PPP1R2: variants seen among roughly 807,000 people sequenced by gnomAD.
PPP1R2 encodes protein phosphatase 1 regulatory inhibitor subunit 2, also known as protein phosphatase inhibitor 2.
A neutral mutation model predicts 29.9 loss-of-function variants in PPP1R2; 16 were observed. That is an observed-to-expected ratio of 0.53 (90% confidence interval 0.36 to 0.81). The LOEUF is 0.81. Ranked by LOEUF, PPP1R2 falls within the 30% of genes least tolerant of loss-of-function variation. The probability of loss-of-function intolerance (pLI) is 0.00; values close to 1 mark genes in which losing one functional copy is unlikely to be tolerated. For missense variants in PPP1R2, 197 were observed against 252.7 expected, an observed-to-expected ratio of 0.78 and a Z score of 1.49; for synonymous variants, 76 against 91.5, an observed-to-expected ratio of 0.83 and a Z score of 0.96.
rs1719677802 is a variant in PPP1R2 at position 195,543,258 on chromosome 3, C to G, written c.-233G>C. 2 of 439,402 alleles carry G rather than the reference C, an allele frequency of 4.6e-6. No homozygotes were observed. The highest frequency in any genetic ancestry group is 7.7e-6 in the Non-Finnish European group (2 of 258,090). The allele number at this position is 439,402 out of a possible 1,614,324, so 27.2% of individuals were successfully genotyped here. On this transcript the variant is annotated 5_prime_UTR_variant, in exon 1 of 6. Coordinates refer to ENST00000618156, the MANE Select transcript of PPP1R2 (RefSeq NM_006241.8). Reference sequence around the variant, plus strand: ...ACTCGCGCACCCTTAGCCACTGGCACTTGACCCGCGGCTCGCGGAGAGACG... The same window carrying G: ...ACTCGCGCACCCTTAGCCACTGGCAGTTGACCCGCGGCTCGCGGAGAGACG...
At position 195,516,737 on chromosome 3, in the gene PPP1R2, T is replaced by C; in HGVS notation, c.*159A>G. On this transcript the variant is annotated 3_prime_UTR_variant, in exon 6 of 6. Transcript: ENST00000618156. ...ATATATATCGATTAGGCATTTTCAG[T>C]CTAATCAGTCTCTAAGTTTATCATT... The C allele has an allele frequency of 4.8e-6, 3 of 620,604 alleles. No individual in the cohort carries two copies. The highest frequency in any genetic ancestry group is 4.2e-5 in the South Asian group (2 of 48,174). The allele number at this position is 620,604 out of a possible 1,614,324, so 38.4% of individuals were successfully genotyped here. A position where few individuals can be genotyped will look rare whatever the true frequency, so the allele number is the denominator to read the frequency against.
chr3:195,523,807 AAGAAATT>A, intron 3 of PPP1R2, 21 bp from the exon 4 acceptor site: 1 of 1,594,134 alleles, frequency 6.3e-7, no homozygotes, highest in Non-Finnish European at 8.6e-7. Flanking sequence ...ATCATGTACA[AAGAAATT>A]AACAGTGATG....
Position 195,537,484 on chromosome 3 carries a change from TG to T in PPP1R2, c.122+5419del, listed in dbSNP as rs1719435828. 5.4e-4 allele frequency among the ~76,000 whole-genome samples: 64 copies of T among 117,950 alleles called. 4 individuals carry two copies. The highest frequency in any genetic ancestry group is 1.5e-3 in the African/African-American group (49 of 33,256). 77.4% of individuals were successfully genotyped at this position (117,950 alleles called of 152,430 possible). On this transcript the variant is annotated intron_variant, in intron 1 of 5. Transcript: ENST00000618156. ...AAACCATTGCTAGGATTAGCTATTG[TG>T]TGTGTGTGTGTGTGTGTGTGTGTGT...
intron 4 of PPP1R2, among the ~76,000 whole-genome samples, chr3:195,521,814 C>T (rs2108940003): frequency 6.6e-6 from 1 of 152,150 alleles, no homozygotes; most frequent in South Asian, 2.1e-4. Context: ...CCATGCCTGG[C>T]TAATTTTTGT....
chr3:195,524,670 G>C lies in PPP1R2; in HGVS notation c.308+149C>G, dbSNP rs1718894846. On this transcript the variant is annotated intron_variant, in intron 3 of 5. Coordinates refer to ENST00000618156, the MANE Select transcript of PPP1R2 (RefSeq NM_006241.8). ...TGGTGACTCAGAAGGTGAAAAAAGGGGGAAAAAAGGAAAAAAAAGTCGGCA... is the reference window on the plus strand; with the variant it reads ...TGGTGACTCAGAAGGTGAAAAAAGGCGGAAAAAAGGAAAAAAAAGTCGGCA... 23 of 671,830 alleles carry C rather than the reference G, an allele frequency of 3.4e-5. No homozygotes were observed. In the South Asian group the frequency reaches 4.8e-4, roughly 14 times the overall value. 41.6% of individuals were successfully genotyped at this position (671,830 alleles called of 1,614,324 possible).
rs933214874 is a variant in PPP1R2 at position 195,516,573 on chromosome 3, C to T, written c.*323G>A. ...TGATGAAAATAAATTAGTTCCCCCC[C>T]AAAGATATTGTTTAACTTCTAAAGC... On this transcript the variant is annotated 3_prime_UTR_variant, in exon 6 of 6. Transcript: ENST00000618156. The T allele has an allele frequency of 2.1e-5, 5 of 239,704 alleles. No homozygotes were observed. The highest frequency in any genetic ancestry group is 3.2e-5 in the Non-Finnish European group (4 of 124,238). The allele number at this position is 239,704 out of a possible 1,614,324, so 14.8% of individuals were successfully genotyped here.
intron 2 of PPP1R2, among the ~76,000 whole-genome samples, chr3:195,525,404 G>A (rs868740059): frequency 3.2e-4 from 49 of 151,980 alleles, no homozygotes; most frequent in Admixed American, 3.0e-3. Flanking sequence ...TGAGGATTTC[G>A]GTATCTGAGG....
intron 2 of PPP1R2, among the ~76,000 whole-genome samples, chr3:195,526,683 T>C (rs1366638963): frequency 1.3e-5 from 2 of 152,074 alleles, no homozygotes; most frequent in Non-Finnish European, 2.9e-5. Flanking sequence ...GACGTGATCA[T>C]GGCTAATTGC....
intron 1 of PPP1R2, among the ~76,000 whole-genome samples, chr3:195,541,439 CCTTTT>C (rs770088011): frequency 2.7e-5 from 4 of 146,960 alleles, no homozygotes; most frequent in East Asian, 4.0e-4. Context: ...TCTTTTAATT[CCTTTT>C]CTTTTCTTTC....
intron 2 of PPP1R2, among the ~76,000 whole-genome samples, chr3:195,527,138 G>A (rs1181077217): frequency 6.6e-6 from 1 of 151,962 alleles, no homozygotes; most frequent in Non-Finnish European, 1.5e-5. Context: ...TGCCCAGGTT[G>A]GTCTTGAACT....
chr3:195,530,679 C>A (rs548134491), intron 1 of PPP1R2, among the ~76,000 whole-genome samples: 75 of 152,114 alleles, frequency 4.9e-4, no homozygotes, highest in Non-Finnish European at 9.8e-4. Flanking sequence ...GCGCGCACCA[C>A]CACGCCCAGC....
intron 1 of PPP1R2, among the ~76,000 whole-genome samples, chr3:195,537,455 T>C (rs1012404883): frequency 9.9e-5 from 14 of 140,830 alleles, no homozygotes; most frequent in Non-Finnish European, 2.2e-4. Context: ...CCCAGTAAAT[T>C]ACCAAACCAT....
rs760275884 is a variant in PPP1R2, at chr3:195,542,946, G to T, written c.80C>A (p.Ala27Glu). ...NKTSTTSSMV[A>E]SAEQPRGNVD... ...ATTCCCGCGGGGCTGTTCGGCCGAC[G>T]CCACCATAGAGGAAGTCGTAGAGGT... The change falls in exon 1 of 6, where the codon GCG becomes GAG. Residue 27 changes from alanine (A) to glutamate (E), a missense_variant. Physicochemically the swap from Ala to Glu is moderately radical, Grantham distance 107. This residue lies in a region of PPP1R2 where 54 missense variants were observed against 60.6 expected (regional missense o/e 0.89). Coordinates refer to ENST00000618156, the MANE Select transcript of PPP1R2 (RefSeq NM_006241.8). 23 of 1,603,318 alleles carry T rather than the reference G, an allele frequency of 1.4e-5. No individual in the cohort carries two copies. Among genetic ancestry groups the T allele is most frequent in the Non-Finnish European group, 1.9e-5 (22 of 1,174,988 alleles).
chr3:195,541,250 C>T (rs1719581050), intron 1 of PPP1R2, among the ~76,000 whole-genome samples: 1 of 152,016 alleles, frequency 6.6e-6, no homozygotes, highest in Non-Finnish European at 1.5e-5. Flanking sequence ...TACAGCAGAT[C>T]CAAGTTAAGA....
chr3:195,535,256 T>C (rs1335493490), intron 1 of PPP1R2, among the ~76,000 whole-genome samples: 4 of 152,170 alleles, frequency 2.6e-5, no homozygotes, highest in Admixed American at 6.5e-5. Context: ...AATGTCACCA[T>C]TGATCTGACA....
chr3:195,537,483 G>T (rs983722231), intron 1 of PPP1R2, among the ~76,000 whole-genome samples: 201 of 40,268 alleles, frequency 5.0e-3, no homozygotes, highest in Middle Eastern at 0.017. Context: ...ATTAGCTATT[G>T]TGTGTGTGTG....
chr3:195,542,879 C>G, intron 1 of PPP1R2, 25 bp downstream of exon 1: 5 of 1,587,284 alleles, frequency 3.2e-6, no homozygotes, highest in Non-Finnish European at 4.3e-6. Flanking sequence ...GGAGGGGCTC[C>G]CAGGCCGTCC....
At chr3:195,517,003 T>C in intron 5 of PPP1R2, 61 bp from the exon 6 acceptor site, 1 of 1,337,174 alleles carries the variant, frequency 7.5e-7, no homozygotes, top group South Asian at 1.2e-5. Context: ...CTGGCTAAAG[T>C]TCCCTTCTAT....
At chr3:195,535,918 A>G (rs570473475) in intron 1 of PPP1R2, among the ~76,000 whole-genome samples, 2 of 152,188 alleles carry the variant, frequency 1.3e-5, no homozygotes, top group African/African-American at 2.4e-5. Context: ...CTCTCCTTCT[A>G]TCGCCTTTAT....
Sources: gnomAD v4.1 joint callset for allele counts (sites outside exome capture counted in the v4.1 genomes callset) on GRCh38, gnomAD v4.1.1 for gene constraint, gnomAD v4.1.1 regional missense constraint, MANE v1.5 for transcripts, NCBI Gene and HGNC (gene_info 2026-07-23, HGNC 2026-07-21) for gene names.